The following SUGCT variants were observed in gnomAD, a reference collection of about 807,000 sequenced individuals.
SUGCT encodes succinyl-CoA:glutarate CoA-transferase.
Under a neutral mutation model 55.0 loss-of-function variants are expected in SUGCT, and 41 were observed. That is an observed-to-expected ratio of 0.74 (90% CI 0.58 to 0.97). The LOEUF (loss-of-function observed/expected upper bound fraction) is 0.97, where lower values mean the gene tolerates loss of function less well. SUGCT is among the 50% of genes least tolerant of loss of function. The probability of loss-of-function intolerance (pLI) is 0.00; values close to 1 mark genes in which losing one functional copy is unlikely to be tolerated. For synonymous variants in SUGCT, 187 were observed against 200.4 expected (o/e 0.93, Z 0.56); for missense variants, 568 against 547.8 (o/e 1.04, Z -0.37).
intron 11 of SUGCT, among the ~76,000 whole-genome samples, chr7:40,494,423 A>C (rs1791862701): frequency 6.6e-6 from 1 of 152,246 alleles, no homozygotes; most frequent in South Asian, 2.1e-4. Context: ...CATTGAAAAG[A>C]AAGTAAGAAT....
At chr7:40,573,324 A>G (rs1479881109) in intron 12 of SUGCT, among the ~76,000 whole-genome samples, 1 of 152,218 alleles carries the variant, frequency 6.6e-6, no homozygotes, top group Non-Finnish European at 1.5e-5. Context: ...AGAACAGAAC[A>G]ACTGTTTGAA....
intron 1 of SUGCT, among the ~76,000 whole-genome samples, chr7:40,170,674 T>C (rs1014838869): frequency 2.0e-5 from 3 of 151,890 alleles, no homozygotes; most frequent in Admixed American, 2.0e-4. Context: ...GTCCTGCACC[T>C]GTTTTCCCAC....
At chr7:40,990,262 G>A in the SUGCT span, among the ~76,000 whole-genome samples, 1 of 152,236 alleles carries the variant, frequency 6.6e-6, no homozygotes, top group Non-Finnish European at 1.5e-5. Context: ...TCTTGGTTGA[G>A]CAGGTGCATT....
chr7:40,513,796 T>A (rs941200981), intron 12 of SUGCT, among the ~76,000 whole-genome samples: 1 of 147,698 alleles, frequency 6.8e-6, no homozygotes, highest in Non-Finnish European at 1.5e-5. Context: ...TTTTTTTTTT[T>A]TTTTTTTTTT....
At chr7:40,452,840 G>C (rs367643164) in intron 10 of SUGCT, among the ~76,000 whole-genome samples, 5 of 152,122 alleles carry the variant, frequency 3.3e-5, no homozygotes, top group African/African-American at 1.2e-4. Context: ...CTTACCCCGA[G>C]CACGGTGATC....
chr7:40,836,615 C>T (rs1431053820), intron 13 of SUGCT, among the ~76,000 whole-genome samples: 1 of 152,220 alleles, frequency 6.6e-6, no homozygotes, highest in East Asian at 1.9e-4. Context: ...TTCCCTCTCT[C>T]CCTCCTTCTA....
At chr7:40,785,490 GA>G (rs1437886813) in intron 13 of SUGCT, among the ~76,000 whole-genome samples, 4 of 152,116 alleles carry the variant, frequency 2.6e-5, no homozygotes, top group African/African-American at 9.7e-5. Flanking sequence ...GTAAATCCAG[GA>G]AAAGCCTCCA....
At chr7:40,525,589 A>T (rs1240667833) in intron 12 of SUGCT, among the ~76,000 whole-genome samples, 1 of 152,092 alleles carries the variant, frequency 6.6e-6, no homozygotes, top group African/African-American at 2.4e-5. Context: ...CATTTAGAAG[A>T]ATCTGAACAT....
chr7:40,834,118 A>T (rs1489225236), intron 13 of SUGCT, among the ~76,000 whole-genome samples: 1 of 152,166 alleles, frequency 6.6e-6, no homozygotes, highest in Non-Finnish European at 1.5e-5. Context: ...GGGAAAGGTG[A>T]AGCGTATTGC....
In SUGCT at chr7:40,314,476, A is replaced by G. The variant is rs185294113; in HGVS notation, c.721-2284A>G. On this transcript the variant is annotated intron_variant, in intron 8 of 13. Transcript: ENST00000335693. ...AAGAATAACAACATAGCTAGATCTG[A>G]AAAGAGACCTGAGAAGTCAGAAAAT... 5.1e-3 allele frequency among the ~76,000 whole-genome samples: 783 copies of G among 152,162 alleles called. 7 individuals carry two copies. Among genetic ancestry groups the G allele is most frequent in the Non-Finnish European group, 7.8e-3 (527 of 67,970 alleles).
chr7:40,591,559 C>G (rs1315946015), intron 12 of SUGCT, among the ~76,000 whole-genome samples: 2 of 152,168 alleles, frequency 1.3e-5, no homozygotes, highest in Admixed American at 6.5e-5. Context: ...TTTGAAAATT[C>G]TACTGTGGGT....
chr7:40,588,062 C>T (rs994308730), intron 12 of SUGCT, among the ~76,000 whole-genome samples: 9 of 151,816 alleles, frequency 5.9e-5, no homozygotes, highest in African/African-American at 2.2e-4. Context: ...GCCACCATGC[C>T]CGGCTAATTT....
intron 12 of SUGCT, among the ~76,000 whole-genome samples, chr7:40,618,910 A>AT (rs1799136366): frequency 6.6e-6 from 1 of 152,214 alleles, no homozygotes. Flanking sequence ...GGAAACAATT[A>AT]TAAGTCTGAA....
chr7:40,135,718 G>T (rs1400362711), intron 1 of SUGCT, among the ~76,000 whole-genome samples: 2 of 151,834 alleles, frequency 1.3e-5, no homozygotes, highest in Non-Finnish European at 2.9e-5. Context: ...CTGCAGTGGC[G>T]CGATCTCGGC....
At chr7:40,348,721 G>T (rs897921595) in intron 9 of SUGCT, among the ~76,000 whole-genome samples, 1 of 151,938 alleles carries the variant, frequency 6.6e-6, no homozygotes, top group African/African-American at 2.4e-5. Flanking sequence ...CCTCATTCTG[G>T]AAGAAGTTTT....
chr7:40,747,474 C>T (rs955201109), intron 12 of SUGCT, among the ~76,000 whole-genome samples: 2 of 152,172 alleles, frequency 1.3e-5, no homozygotes, highest in African/African-American at 2.4e-5. Flanking sequence ...CTCTTTTGCT[C>T]TGTGAATGGA....
chr7:40,183,896 G>A (rs1009476935), intron 3 of SUGCT, among the ~76,000 whole-genome samples: 7 of 152,070 alleles, frequency 4.6e-5, no homozygotes, highest in Admixed American at 1.3e-4. Context: ...ATTGTTGGCC[G>A]GGCATGGTGG....
chr7:40,665,104 A>G (rs1801547571), intron 12 of SUGCT, among the ~76,000 whole-genome samples: 1 of 152,050 alleles, frequency 6.6e-6, no homozygotes, highest in Admixed American at 6.5e-5. Context: ...ATAGATACAT[A>G]AGGCTGGGCC....
chr7:40,527,512 G>A (rs1438742919), intron 12 of SUGCT, among the ~76,000 whole-genome samples: 8 of 152,136 alleles, frequency 5.3e-5, no homozygotes, highest in Non-Finnish European at 7.4e-5. Context: ...TGTGGGGATG[G>A]TTTATTTCTT....
Sources: allele counts gnomAD v4.1 joint callset (sites outside exome capture counted in the v4.1 genomes callset), GRCh38; gene constraint gnomAD v4.1.1; transcripts MANE v1.5; gene names NCBI Gene and HGNC (gene_info 2026-07-23, HGNC 2026-07-21).